Variants in STPG2 observed in about 807,000 individuals in gnomAD.
The protein encoded by STPG2 is sperm tail PG-rich repeat containing 2.
A neutral mutation model predicts 54.2 loss-of-function variants in STPG2; 56 were observed. That is an observed-to-expected ratio of 1.03 (90% CI 0.83 to 1.29). The LOEUF is 1.29. Among genes scored for constraint, STPG2 ranks in the 50% most tolerant of loss-of-function variants. STPG2 has a pLI of 0.00. For synonymous variants in STPG2, 200 were observed against 181.8 expected (o/e 1.10, Z -0.81); for missense variants, 596 against 544.9 (o/e 1.09, Z -0.93).
chr4:98,046,014 A>G (rs968793234), intron 5 of STPG2, among the ~76,000 whole-genome samples: 4 of 150,912 alleles, frequency 2.7e-5, no homozygotes, highest in Admixed American at 6.6e-5. Flanking sequence ...AGTGGTATCC[A>G]TAAGTCCCTT....
At chr4:97,923,274 AG>A (rs917713951) in intron 8 of STPG2, among the ~76,000 whole-genome samples, 28 of 151,998 alleles carry the variant, frequency 1.8e-4, no homozygotes, top group African/African-American at 6.8e-4. Context: ...AGGTGGGAAC[AG>A]GGGCTGTGCG....
chr4:97,814,413 C>A (rs756267173), intron 9 of STPG2, among the ~76,000 whole-genome samples: 1 of 152,150 alleles, frequency 6.6e-6, no homozygotes, highest in Non-Finnish European at 1.5e-5. Context: ...ACTACAACCT[C>A]TGCTTCCCAG....
chr4:97,520,770 A>C (rs567021299), intron 4 of STPG2, among the ~76,000 whole-genome samples: 21 of 152,204 alleles, frequency 1.4e-4, no homozygotes, highest in Admixed American at 1.0e-3. Context: ...GAGAAACACA[A>C]ATATTGTTTC....
chr4:97,528,064 G>A (rs1230338911), intron 4 of STPG2, among the ~76,000 whole-genome samples: 1 of 152,124 alleles, frequency 6.6e-6, no homozygotes, highest in Non-Finnish European at 1.5e-5. Flanking sequence ...TAGTCATGAA[G>A]TCTTTGCACA....
At chr4:97,629,772 T>TAA (rs1415867917) in intron 10 of STPG2, among the ~76,000 whole-genome samples, 1 of 151,790 alleles carries the variant, frequency 6.6e-6, no homozygotes, top group Non-Finnish European at 1.5e-5. Flanking sequence ...TATGTTAGGG[T>TAA]AATAGAAGGA....
intron 7 of STPG2, among the ~76,000 whole-genome samples, chr4:97,966,804 A>G (rs144688071): frequency 6.6e-6 from 1 of 152,330 alleles, no homozygotes; most frequent in East Asian, 1.9e-4. Flanking sequence ...AAAATCCTTA[A>G]CAGAAACGCA....
chr4:97,840,797 G>A lies in STPG2; in HGVS notation c.1180C>T (p.Leu394=). ...ASFLSATPRC[L]EKVTDGPGPA... The stretch of plus-strand genomic sequence containing the variant: ...CCTGGCCCATCAGTCACTTTTTCTA[G>A]GCACCGAGGAGTTGCACTAAGAAAA... Residue 394 remains leucine (L), a synonymous_variant, in exon 9 of 11, where the codon CTA becomes TTA. Transcript: ENST00000295268. 6.2e-7 allele frequency: 1 copy of A among 1,610,942 alleles called. No individual in the cohort carries two copies. Among genetic ancestry groups the A allele is most frequent in the South Asian group, 1.1e-5 (1 of 90,872 alleles).
intron 4 of STPG2, among the ~76,000 whole-genome samples, chr4:97,524,060 T>C (rs1731233590): frequency 6.6e-6 from 1 of 151,866 alleles, no homozygotes; most frequent in Non-Finnish European, 1.5e-5. Context: ...AGTTATAAAG[T>C]TTCGTGACAG....
intron 7 of STPG2, among the ~76,000 whole-genome samples, chr4:97,958,080 G>A (rs1733746617): frequency 6.6e-6 from 1 of 152,014 alleles, no homozygotes; most frequent in South Asian, 2.1e-4. Flanking sequence ...AGGCAGAGGG[G>A]GGACAGATCA....
chr4:97,960,690 A>G (rs1210642133), intron 7 of STPG2, among the ~76,000 whole-genome samples: 1 of 152,162 alleles, frequency 6.6e-6, no homozygotes, highest in Non-Finnish European at 1.5e-5. Flanking sequence ...GCTGAAAGAA[A>G]TCATAGACCA....
At chr4:97,491,020 T>C (rs920827948) in intron 4 of STPG2, among the ~76,000 whole-genome samples, 3 of 151,340 alleles carry the variant, frequency 2.0e-5, no homozygotes, top group Non-Finnish European at 4.4e-5. Flanking sequence ...TTTTGGATTA[T>C]TTTTTCCTAA....
chr4:98,042,346 T>A (rs971625022), intron 5 of STPG2, among the ~76,000 whole-genome samples: 6 of 151,874 alleles, frequency 4.0e-5, no homozygotes, highest in African/African-American at 1.4e-4. Flanking sequence ...TGATCTTTGT[T>A]CTTTCTTTCC....
chr4:97,791,703 T>C (rs1726996463), intron 9 of STPG2, among the ~76,000 whole-genome samples: 1 of 152,044 alleles, frequency 6.6e-6, no homozygotes, highest in Non-Finnish European at 1.5e-5. Flanking sequence ...TATAGAACTG[T>C]TTTGAAGTTA....
intron 4 of STPG2, among the ~76,000 whole-genome samples, chr4:97,446,651 A>G (rs1729229103): frequency 6.6e-6 from 1 of 152,070 alleles, no homozygotes; most frequent in Admixed American, 6.6e-5. Flanking sequence ...TTCTCATGAC[A>G]TTGACTAAGT....
At chr4:97,788,146 G>A (rs891837994) in intron 9 of STPG2, among the ~76,000 whole-genome samples, 6 of 151,862 alleles carry the variant, frequency 4.0e-5, no homozygotes, top group East Asian at 1.9e-4. Flanking sequence ...TGATCACCTC[G>A]TTGTGCTATC....
At chr4:97,517,470 A>G (rs1459216136) in intron 4 of STPG2, among the ~76,000 whole-genome samples, 1 of 152,156 alleles carries the variant, frequency 6.6e-6, no homozygotes, top group Non-Finnish European at 1.5e-5. Flanking sequence ...ACTTGGCTCA[A>G]TTAAGGACAA....
At chr4:97,703,786 G>GTA (rs1054331969) in intron 10 of STPG2, among the ~76,000 whole-genome samples, 3 of 145,282 alleles carry the variant, frequency 2.1e-5, no homozygotes, top group African/African-American at 5.1e-5. Flanking sequence ...GTGTGTGTGT[G>GTA]TATATATATG....
downstream of STPG2, among the ~76,000 whole-genome samples, chr4:97,554,494 T>C (rs952756208): frequency 1.3e-5 from 2 of 152,174 alleles, no homozygotes; most frequent in East Asian, 1.9e-4. Flanking sequence ...TTGGTGAGTC[T>C]GGTTTGCCAT....
At chr4:97,501,397 T>C (rs758455938) in intron 4 of STPG2, among the ~76,000 whole-genome samples, 16 of 150,166 alleles carry the variant, frequency 1.1e-4, no homozygotes, top group Non-Finnish European at 2.4e-4. Context: ...AGGTTAGAGG[T>C]GGAAGAGAAA....
Sources: gnomAD v4.1 joint callset for allele counts (sites outside exome capture counted in the v4.1 genomes callset) on GRCh38, gnomAD v4.1.1 for gene constraint, MANE v1.5 for transcripts, NCBI Gene and HGNC (gene_info 2026-07-23, HGNC 2026-07-21) for gene names.